The following SPATS2 variants were observed in gnomAD, a reference collection of about 807,000 sequenced individuals.
SPATS2 encodes the protein spermatogenesis-associated serine-rich protein 2.
Under a neutral mutation model 63.7 loss-of-function variants are expected in SPATS2, and 38 were observed. The ratio of observed to expected loss-of-function variants is 0.60; its 90% CI spans 0.46 to 0.78. The LOEUF is 0.78. SPATS2 is among the 30% of genes least tolerant of loss of function. The pLI is 0.00. For synonymous variants in SPATS2, 207 were observed against 232.9 expected (o/e 0.89, Z 1.01); for missense variants, 588 against 666.2 (o/e 0.88, Z 1.29).
At chr12:49,488,265 G>A (rs1433513602) in intron 4 of SPATS2, among the ~76,000 whole-genome samples, 3 of 151,574 alleles carry the variant, frequency 2.0e-5, no homozygotes, top group Admixed American at 2.0e-4. Context: ...GGCTGGTCTC[G>A]AACTCCTGAC....
intron 2 of SPATS2, among the ~76,000 whole-genome samples, chr12:49,384,526 T>C (rs1327010385): frequency 6.6e-6 from 1 of 152,208 alleles, no homozygotes; most frequent in Non-Finnish European, 1.5e-5. Context: ...TGTATGTGTT[T>C]GTATGTGCCT....
At chr12:49,505,852 C>T (rs11609549) in intron 9 of SPATS2, among the ~76,000 whole-genome samples, 8,317 of 152,256 alleles carry the variant, frequency 0.055, 326 homozygotes, top group Non-Finnish European at 0.077. Context: ...ATTGATGGCT[C>T]ACTTCCCCAC....
At chr12:49,374,397 T>G (rs1944056450) in intron 2 of SPATS2, among the ~76,000 whole-genome samples, 1 of 152,066 alleles carries the variant, frequency 6.6e-6, no homozygotes, top group South Asian at 2.1e-4. Context: ...TCCGAAGTGC[T>G]GGGATTACAG....
chr12:49,446,847 C>G (rs1945519585), intron 2 of SPATS2, among the ~76,000 whole-genome samples: 1 of 151,996 alleles, frequency 6.6e-6, no homozygotes, highest in African/African-American at 2.4e-5. Flanking sequence ...GGACAGGAAT[C>G]TTGGGGAGAT....
chr12:49,492,566 G>C (rs1297499889), intron 6 of SPATS2, among the ~76,000 whole-genome samples: 1 of 152,118 alleles, frequency 6.6e-6, no homozygotes, highest in Admixed American at 6.5e-5. Context: ...TAAGTTACTA[G>C]TGATATAAGA....
At position 49,500,055 on chromosome 12, in the gene SPATS2, G is replaced by A. The variant is rs573856453; in HGVS notation, c.704-15G>A. 1.1e-5 allele frequency: 15 copies of A among 1,418,520 alleles called. No homozygotes were observed. In the Admixed American group the frequency reaches 2.5e-4, roughly 24 times the overall value. The allele number at this position is 1,418,520 out of a possible 1,614,324, so 87.9% of individuals were successfully genotyped here. A position where few individuals can be genotyped will look rare whatever the true frequency, so the allele number is the denominator to read the frequency against. On this transcript the variant is annotated splice_polypyrimidine_tract_variant and intron_variant, in intron 8 of 13. Coordinates refer to ENST00000552918, the MANE Select transcript of SPATS2 (RefSeq NM_023071.4). ...TTCTTTTTTTTTTTTTAATATTTCG[G>A]TTTTTTTCCCCAAGGTTCCAATATT...
rs548461789 is a variant in SPATS2, at chr12:49,368,086, C to T, written c.-307+499C>T. On this transcript the variant is annotated intron_variant, in intron 1 of 13. Transcript: ENST00000552918. Reference sequence around the variant, plus strand: ...GGGGGAGACGAAATGGAAAATCAGGCGAACAGACGCAGAGACATAAAATAG... The same window carrying T: ...GGGGGAGACGAAATGGAAAATCAGGTGAACAGACGCAGAGACATAAAATAG... Among the ~76,000 whole-genome samples the T allele has an allele frequency of 2.0e-5, 3 of 152,118 alleles. No individual in the cohort carries two copies. The East Asian group carries it at 5.8e-4, about 29-fold the overall frequency.
At chr12:49,436,535 C>T (rs1945295323) in intron 2 of SPATS2, among the ~76,000 whole-genome samples, 1 of 122,926 alleles carries the variant, frequency 8.1e-6, no homozygotes, top group South Asian at 2.5e-4. Context: ...GCTGACCCCC[C>T]CGCCTCCTGG....
chr12:49,431,859 C>T (rs976326965), intron 2 of SPATS2, among the ~76,000 whole-genome samples: 6 of 151,914 alleles, frequency 3.9e-5, no homozygotes, highest in Non-Finnish European at 8.8e-5. Context: ...ATATGAAACC[C>T]TGTGTTTACA....
chr12:49,408,314 A>T (rs1382736566), intron 2 of SPATS2, among the ~76,000 whole-genome samples: 2 of 148,164 alleles, frequency 1.3e-5, no homozygotes, highest in South Asian at 4.3e-4. Flanking sequence ...GTGCAATGGC[A>T]CAATCTCGGC....
At chr12:49,435,642 T>C (rs1424561887) in intron 2 of SPATS2, among the ~76,000 whole-genome samples, 3 of 96,436 alleles carry the variant, frequency 3.1e-5, no homozygotes, top group East Asian at 4.1e-4. Context: ...TGGTTTCTTT[T>C]TTTTTTTTTT....
At chr12:49,390,347 G>GA in intron 2 of SPATS2, among the ~76,000 whole-genome samples, 1 of 152,264 alleles carries the variant, frequency 6.6e-6, no homozygotes, top group East Asian at 1.9e-4. Context: ...AACATAATTG[G>GA]AAAATAGAAA....
At chr12:49,389,686 A>T in intron 2 of SPATS2, 1 of 1,525,402 alleles carries the variant, frequency 6.6e-7, no homozygotes, top group Non-Finnish European at 9.1e-7. Context: ...ATGAAGTCGC[A>T]AGAACATCGG....
intron 2 of SPATS2, among the ~76,000 whole-genome samples, chr12:49,453,836 G>T (rs1436869307): frequency 1.4e-5 from 2 of 142,298 alleles, no homozygotes; most frequent in Non-Finnish European, 3.0e-5. Context: ...ACGGGACACA[G>T]AATTGCAGCA....
At chr12:49,373,129 C>T (rs1049231120) in intron 2 of SPATS2, among the ~76,000 whole-genome samples, 1 of 152,048 alleles carries the variant, frequency 6.6e-6, no homozygotes, top group Non-Finnish European at 1.5e-5. Context: ...AGTGCCACCA[C>T]GCCCAGCTAA....
intron 2 of SPATS2, among the ~76,000 whole-genome samples, chr12:49,376,321 T>G (rs1489452581): frequency 6.6e-6 from 1 of 151,994 alleles, no homozygotes; most frequent in East Asian, 1.9e-4. Flanking sequence ...CAGGCTGGTC[T>G]TGAACTCCTG....
intron 2 of SPATS2, among the ~76,000 whole-genome samples, chr12:49,376,666 A>G (rs1365767071): frequency 1.4e-5 from 2 of 146,486 alleles, no homozygotes; most frequent in African/African-American, 5.1e-5. Flanking sequence ...CAAAGTGCTG[A>G]GATTACAGGT....
chr12:49,485,202 G>A (rs967961240), intron 4 of SPATS2, among the ~76,000 whole-genome samples: 1 of 151,734 alleles, frequency 6.6e-6, no homozygotes, highest in African/African-American at 2.4e-5. Context: ...AAGTAGCTGG[G>A]ACTACAGGCG....
intron 6 of SPATS2, among the ~76,000 whole-genome samples, chr12:49,493,455 G>A (rs1946417297): frequency 6.7e-6 from 1 of 149,798 alleles, no homozygotes; most frequent in African/African-American, 2.5e-5. Context: ...AGGCTGGAGT[G>A]CAGTGGTGCA....
Sources: allele counts gnomAD v4.1 joint callset (sites outside exome capture counted in the v4.1 genomes callset), GRCh38; gene constraint gnomAD v4.1.1; transcripts MANE v1.5; gene names NCBI Gene and HGNC (gene_info 2026-07-23, HGNC 2026-07-21).